Variants in PI4K2B observed in about 807,000 individuals in gnomAD.
PI4K2B encodes phosphatidylinositol 4-kinase type 2-beta.
Under a neutral mutation model 56.6 loss-of-function variants are expected in PI4K2B, and 46 were observed. That is an observed-to-expected ratio of 0.81 (90% CI 0.64 to 1.04). PI4K2B has a LOEUF of 1.04. Among genes scored for constraint, PI4K2B ranks in the 50% least tolerant of loss-of-function variants. PI4K2B has a pLI of 0.00. For synonymous variants in PI4K2B, 211 were observed against 223.8 expected, an observed-to-expected ratio of 0.94 and a Z score of 0.51; for missense variants, 556 against 607.7, an observed-to-expected ratio of 0.91 and a Z score of 0.89.
intron 1 of PI4K2B, among the ~76,000 whole-genome samples, chr4:25,240,367 T>C (rs369268286): frequency 6.6e-6 from 1 of 152,312 alleles, no homozygotes; most frequent in East Asian, 1.9e-4. Flanking sequence ...AAGGATAGAT[T>C]TTGTTATTTC....
chr4:25,234,355 G>A lies in PI4K2B; in HGVS notation c.192G>A (p.Leu64=). 7.1e-7 allele frequency: 1 copy of A among 1,411,190 alleles called. No individual in the cohort carries two copies. The highest frequency in any genetic ancestry group is 2.7e-5 in the Admixed American group (1 of 36,916). 87.4% of individuals were successfully genotyped at this position (1,411,190 alleles called of 1,614,324 possible). ...AGGGCGAGGCCGGCGACGAGGAGCT[G>A]CCCCTCCCGCCCGGGGACGTGGGGG... is the stretch of plus-strand genomic sequence containing the variant. ...GEEGEAGDEE[L]PLPPGDVGVS... Residue 64 remains leucine (L), a synonymous_variant, in exon 1 of 10, where the codon CTG becomes CTA. Transcript: ENST00000264864.
At chr4:25,238,672 T>G (rs1192215693) in intron 1 of PI4K2B, among the ~76,000 whole-genome samples, 2 of 152,116 alleles carry the variant, frequency 1.3e-5, no homozygotes, top group Non-Finnish European at 2.9e-5. Context: ...AGTTGTTCAT[T>G]CCTCCTGGTG....
Position 25,234,334 on chromosome 4 carries a change from C to G in PI4K2B, c.171C>G (p.Gly57=). The G allele has an allele frequency of 1.4e-6, 2 of 1,408,156 alleles. No individual in the cohort carries two copies. Among genetic ancestry groups the G allele is most frequent in the Non-Finnish European group, 1.9e-6 (2 of 1,078,022 alleles). The allele number at this position is 1,408,156 out of a possible 1,614,324, so 87.2% of individuals were successfully genotyped here. The change falls in exon 1 of 10, where the codon GGC becomes GGG. Residue 57 remains glycine (G), a synonymous_variant. Transcript: ENST00000264864. ...VRLLDAAGEE[G]EAGDEELPLP... is the part of the protein sequence containing the mutation. ...TGCTGGACGCTGCCGGGGAGGAGGGCGAGGCCGGCGACGAGGAGCTGCCCC... is the reference window on the plus strand; with the variant it reads ...TGCTGGACGCTGCCGGGGAGGAGGGGGAGGCCGGCGACGAGGAGCTGCCCC...
intron 7 of PI4K2B, among the ~76,000 whole-genome samples, chr4:25,265,526 A>C (rs967317431): frequency 6.6e-6 from 1 of 152,198 alleles, no homozygotes; most frequent in African/African-American, 2.4e-5. Flanking sequence ...CATTTTGGCT[A>C]AATCACGGGT....
intron 1 of PI4K2B, among the ~76,000 whole-genome samples, chr4:25,249,340 A>G (rs187934250): frequency 0.074 from 11,178 of 151,892 alleles, 480 homozygotes; most frequent in East Asian, 0.12. Context: ...CCTCCCAGAC[A>G]GGGTGGCGGC....
intron 1 of PI4K2B, among the ~76,000 whole-genome samples, chr4:25,244,889 A>C (rs1715692456): frequency 6.6e-6 from 1 of 152,194 alleles, no homozygotes; most frequent in African/African-American, 2.4e-5. Flanking sequence ...CGCATTCTCA[A>C]AAACCTGTTA....
At chr4:25,275,861 T>G (rs1224538969) in intron 9 of PI4K2B, among the ~76,000 whole-genome samples, 2 of 152,098 alleles carry the variant, frequency 1.3e-5, no homozygotes, top group South Asian at 2.1e-4. Flanking sequence ...CTCAGCACTT[T>G]AAGAGGCCAA....
chr4:25,267,961 C>A, intron 7 of PI4K2B: 1 of 568,730 alleles, frequency 1.8e-6, no homozygotes, highest in Non-Finnish European at 2.2e-6. Context: ...TGATATGCAT[C>A]TGTAGTTCCA....
intron 7 of PI4K2B, 83 bp downstream of exon 7, chr4:25,263,932 C>A: frequency 3.2e-6 from 2 of 624,146 alleles, no homozygotes; most frequent in Non-Finnish European, 5.8e-6. Context: ...GATACCATAG[C>A]GGAGGAAAAA....
intron 1 of PI4K2B, among the ~76,000 whole-genome samples, chr4:25,246,502 T>C (rs1013951752): frequency 2.0e-5 from 3 of 152,226 alleles, no homozygotes; most frequent in Non-Finnish European, 2.9e-5. Context: ...TTACAATCCC[T>C]TAGCTAGACA....
chr4:25,246,610 A>C (rs560063458), intron 1 of PI4K2B, among the ~76,000 whole-genome samples: 1 of 152,182 alleles, frequency 6.6e-6, no homozygotes. Context: ...TGCCAGTCCC[A>C]CGCCTTGTGC....
chr4:25,267,729 T>A, intron 7 of PI4K2B: 1 of 964,136 alleles, frequency 1.0e-6, no homozygotes, highest in Non-Finnish European at 1.2e-6. Flanking sequence ...ATCTCTCTAG[T>A]CCTGGCGTAG....
rs1403943870 is a variant in PI4K2B at position 25,273,320 on chromosome 4, AC to A, written c.1273-3692del. The stretch of plus-strand genomic sequence containing the variant: ...CAATGTGAAATATATTTTCCATGTG[AC>A]CTGAAAAAATGCAGAAATAATAACT... On this transcript the variant is annotated intron_variant, in intron 9 of 9. Coordinates refer to ENST00000264864, the MANE Select transcript of PI4K2B (RefSeq NM_018323.4). Among the ~76,000 whole-genome samples the A allele has an allele frequency of 2.0e-5, 3 of 152,312 alleles. No individual in the cohort carries two copies. In the East Asian group the frequency reaches 5.8e-4, roughly 29 times the overall value.
intron 9 of PI4K2B, chr4:25,276,401 TA>T: frequency 7.5e-6 from 2 of 265,266 alleles, no homozygotes; most frequent in Non-Finnish European, 1.2e-5. Context: ...CCAAATTCTC[TA>T]ACCTATTTGC....
chr4:25,246,322 G>C (rs1715778518), intron 1 of PI4K2B, among the ~76,000 whole-genome samples: 1 of 152,120 alleles, frequency 6.6e-6, no homozygotes, highest in Non-Finnish European at 1.5e-5. Context: ...CGATTGGTCT[G>C]TTTTACAGAG....
At chr4:25,237,656 T>C (rs956507587) in intron 1 of PI4K2B, among the ~76,000 whole-genome samples, 1 of 152,228 alleles carries the variant, frequency 6.6e-6, no homozygotes, top group African/African-American at 2.4e-5. Flanking sequence ...CCACCATGCC[T>C]GGCCTTGTTC....
chr4:25,273,477 C>A (rs1716982946), intron 9 of PI4K2B, among the ~76,000 whole-genome samples: 1 of 152,264 alleles, frequency 6.6e-6, no homozygotes, highest in Non-Finnish European at 1.5e-5. Context: ...GTACTTGACC[C>A]CTTACTGGAC....
At chr4:25,249,479 G>T (rs1341577263) in intron 1 of PI4K2B, among the ~76,000 whole-genome samples, 1 of 146,812 alleles carries the variant, frequency 6.8e-6, no homozygotes, top group African/African-American at 2.4e-5. Flanking sequence ...GGCCGGGCGG[G>T]GGCTGCCCCC....
At chr4:25,251,867 A>G (rs1716066883) in intron 1 of PI4K2B, among the ~76,000 whole-genome samples, 1 of 152,106 alleles carries the variant, frequency 6.6e-6, no homozygotes, top group African/African-American at 2.4e-5. Context: ...CTTATTGCCC[A>G]GGCTGGAGTG....
Sources: gnomAD v4.1 joint callset for allele counts (sites outside exome capture counted in the v4.1 genomes callset) on GRCh38, gnomAD v4.1.1 for gene constraint, MANE v1.5 for transcripts, NCBI Gene and HGNC (gene_info 2026-07-23, HGNC 2026-07-21) for gene names.